NHSL1: variants seen among roughly 807,000 people sequenced by gnomAD.
NHSL1 encodes NHS-like protein 1.
A neutral mutation model predicts 95.0 loss-of-function variants in NHSL1; 48 were observed. That is an observed-to-expected ratio of 0.51 (90% CI 0.40 to 0.64). NHSL1 has a LOEUF of 0.64. NHSL1 is among the 30% of genes least tolerant of loss of function. The pLI, the probability that NHSL1 is intolerant of heterozygous loss-of-function variation, is 0.00. For synonymous variants in NHSL1, 783 were observed against 833.9 expected, an observed-to-expected ratio of 0.94 and a Z score of 1.05; for missense variants, 1,971 against 2,077.7, an observed-to-expected ratio of 0.95 and a Z score of 1.00.
At position 138,542,188 on chromosome 6, in the gene NHSL1, C is replaced by T. The variant is rs138543851; in HGVS notation, c.16+3435G>A. Among the ~76,000 whole-genome samples the T allele has an allele frequency of 1.0e-2, 1,518 of 152,202 alleles. 26 individuals are homozygous for T. Among genetic ancestry groups the T allele is most frequent in the African/African-American group, 0.034 (1,428 of 41,536 alleles). On this transcript the variant is annotated intron_variant, in intron 1 of 4. Coordinates refer to the NHSL1 transcript ENST00000342260. The stretch of plus-strand genomic sequence containing the variant: ...GGAAGGAAGGCGGTAGGAAGAGGGG[C>T]AGAAACTCAAGTGATGCTACCGAAA...
chr6:138,446,184 C>T (rs528228549), intron 4 of NHSL1, among the ~76,000 whole-genome samples: 6 of 152,164 alleles, frequency 3.9e-5, no homozygotes, highest in East Asian at 1.9e-4. Context: ...ATTACACGCA[C>T]GTGCCACCAC....
chr6:138,424,400 C>T lies in NHSL1; in HGVS notation c.4502G>A (p.Arg1501Gln). Residue 1501 changes from arginine (R) to glutamine (Q), a missense_variant, in exon 8 of 8, where the codon CGA becomes CAA. Arg to Gln is a conservative substitution (Grantham distance 43, BLOSUM62 1). Around this residue, in one of 3 missense-constraint regions of NHSL1, gnomAD observed 223 missense variants for 217.0 expected, o/e 1.03. Coordinates refer to ENST00000343505, the MANE Select transcript of NHSL1 (RefSeq NM_001144060.2). This position sits in a 1 kb window ranked among gnomAD's most constrained non-coding sequence, Gnocchi z 5.9. The stretch of plus-strand genomic sequence containing the variant: ...GCTGCTGGCGGCAGAAGGCGGCGTT[C>T]GGCTGCGGCCGTACCTGGGGCCGGA... ...SFSGPRYGRS[R>Q]TPPSAASSRY... 1 of 1,549,742 alleles carries T rather than the reference C, an allele frequency of 6.5e-7. No homozygotes were observed. Among genetic ancestry groups the T allele is most frequent in the Non-Finnish European group, 8.7e-7 (1 of 1,145,880 alleles).
At chr6:138,579,927 G>A (rs1269585212) in intron 1 of NHSL1, among the ~76,000 whole-genome samples, 1 of 152,060 alleles carries the variant, frequency 6.6e-6, no homozygotes, top group Non-Finnish European at 1.5e-5. Context: ...CTTTTACTGT[G>A]CTACTCCTAC....
At position 138,484,936 on chromosome 6, in the gene NHSL1, T is replaced by C. The variant is rs76413263; in HGVS notation, c.211+11283A>G. 2.6e-5 allele frequency among the ~76,000 whole-genome samples: 4 copies of C among 152,330 alleles called. No homozygotes were observed. In the East Asian group the frequency reaches 7.7e-4, roughly 29 times the overall value. On this transcript the variant is annotated intron_variant, in intron 2 of 7. Coordinates refer to ENST00000343505, the MANE Select transcript of NHSL1 (RefSeq NM_001144060.2). ...TCTTCTTGTCACATGCCCAGATTAA[T>C]TTAAGAAGCCTTGAAGAACTAAATC...
intron 1 of NHSL1, among the ~76,000 whole-genome samples, chr6:138,559,353 G>A (rs987005419): frequency 1.3e-5 from 2 of 152,210 alleles, no homozygotes; most frequent in African/African-American, 4.8e-5. Context: ...ACACTGCCCT[G>A]CAGCAGGCAG....
chr6:138,438,500 A>C (rs867172996), intron 5 of NHSL1, among the ~76,000 whole-genome samples: 1 of 152,220 alleles, frequency 6.6e-6, no homozygotes, highest in African/African-American at 2.4e-5. Flanking sequence ...CTATAGCTGC[A>C]ATAACCCTGA....
chr6:138,435,956 C>A (rs59602932), intron 5 of NHSL1, among the ~76,000 whole-genome samples: 2,731 of 152,202 alleles, frequency 0.018, 62 homozygotes, highest in African/African-American at 0.057. Context: ...CCACAAATCA[C>A]ACCCACATAA....
intron 1 of NHSL1, among the ~76,000 whole-genome samples, chr6:138,660,275 C>T (rs770391773): frequency 2.0e-5 from 3 of 152,168 alleles, no homozygotes; most frequent in Non-Finnish European, 4.4e-5. Flanking sequence ...CTTAACTGAG[C>T]TGTGTTGAAA....
At chr6:138,468,712 T>G (rs371508241) in intron 3 of NHSL1, among the ~76,000 whole-genome samples, 13 of 152,344 alleles carry the variant, frequency 8.5e-5, no homozygotes, top group Admixed American at 4.6e-4. Flanking sequence ...GCCACTGGGC[T>G]ATCCCATCTA....
chr6:138,545,054 G>T (rs900931025), intron 1 of NHSL1, among the ~76,000 whole-genome samples: 1 of 138,678 alleles, frequency 7.2e-6, no homozygotes, highest in South Asian at 2.4e-4. Context: ...GCAGTGGCGC[G>T]ATCTCGGCTC....
intron 1 of NHSL1, among the ~76,000 whole-genome samples, chr6:138,540,293 G>A (rs1418695926): frequency 1.3e-5 from 2 of 152,216 alleles, no homozygotes; most frequent in African/African-American, 4.8e-5. Context: ...GAGTCACACA[G>A]ATGCAATATT....
intron 1 of NHSL1, among the ~76,000 whole-genome samples, chr6:138,516,227 G>T (rs534997369): frequency 3.5e-4 from 53 of 152,302 alleles, no homozygotes; most frequent in Non-Finnish European, 4.6e-4. Context: ...TGCTGGTAAG[G>T]TACACAGCTG....
intron 3 of NHSL1, among the ~76,000 whole-genome samples, chr6:138,467,087 T>G (rs755917085): frequency 6.6e-6 from 1 of 152,160 alleles, no homozygotes; most frequent in Non-Finnish European, 1.5e-5. Context: ...TTGATAATGA[T>G]AACAAGTGAC....
intron 1 of NHSL1, among the ~76,000 whole-genome samples, chr6:138,612,779 C>T (rs1784531338): frequency 6.6e-6 from 1 of 152,092 alleles, no homozygotes; most frequent in South Asian, 2.1e-4. Flanking sequence ...ATCTATCTTC[C>T]TTTTACAAAA....
chr6:138,639,510 G>A (rs1784931701), intron 1 of NHSL1, among the ~76,000 whole-genome samples: 1 of 151,950 alleles, frequency 6.6e-6, no homozygotes. Context: ...GGGCATGGTG[G>A]TGGGCGCCTG....
intron 1 of NHSL1, among the ~76,000 whole-genome samples, chr6:138,551,972 G>A (rs1255268971): frequency 6.6e-6 from 1 of 152,150 alleles, no homozygotes; most frequent in Non-Finnish European, 1.5e-5. Flanking sequence ...GGGGTATTTT[G>A]TGCTGGACTC....
intron 1 of NHSL1, among the ~76,000 whole-genome samples, chr6:138,652,930 G>C (rs971457117): frequency 6.6e-6 from 1 of 152,184 alleles, no homozygotes; most frequent in Non-Finnish European, 1.5e-5. Context: ...TCGGCACTGG[G>C]ATTGAGGTTA....
At chr6:138,626,886 T>A (rs1473236983) in intron 1 of NHSL1, among the ~76,000 whole-genome samples, 1 of 40,750 alleles carries the variant, frequency 2.5e-5, no homozygotes, top group Non-Finnish European at 3.6e-5. Flanking sequence ...AGAGCGAGAC[T>A]CCGTCTCAAA....
At chr6:138,533,970 C>T (rs1782237918) in intron 1 of NHSL1, among the ~76,000 whole-genome samples, 1 of 152,220 alleles carries the variant, frequency 6.6e-6, no homozygotes, top group African/African-American at 2.4e-5. Context: ...CTTTTCTCCT[C>T]CTCTATGACC....
Sources: allele counts gnomAD v4.1 joint callset (sites outside exome capture counted in the v4.1 genomes callset), GRCh38; gene constraint gnomAD v4.1.1; regional missense constraint gnomAD v4.1.1; non-coding constraint Gnocchi (gnomAD v3.1); transcripts MANE v1.5; gene names NCBI Gene and HGNC (gene_info 2026-07-23, HGNC 2026-07-21).